Variants in RGPD3 observed in about 807,000 individuals in gnomAD.
RGPD3 encodes RANBP2 like and GRIP domain containing 3.
In RGPD3, 62 loss-of-function variants were observed where a neutral mutation model predicts 154.5. That is an observed-to-expected ratio of 0.40 (90% CI 0.33 to 0.50). The LOEUF is 0.50. Among genes scored for constraint, RGPD3 ranks in the 20% least tolerant of loss-of-function variants. The pLI, the probability that RGPD3 is intolerant of heterozygous loss-of-function variation, is 0.59. For synonymous variants in RGPD3, 308 were observed against 607.0 expected (o/e 0.51, Z 7.24); for missense variants, 919 against 1,716.8 (o/e 0.54, Z 8.21).
chr2:106,412,869 T>C, intron 22 of RGPD3: 1 of 605,356 alleles, frequency 1.7e-6, no homozygotes, highest in Non-Finnish European at 2.9e-6. Flanking sequence ...AAGCACTTAT[T>C]GTATTTTGCT....
At chr2:106,405,418 C>T (rs1420577925) in intron 22 of RGPD3, among the ~76,000 whole-genome samples, 189 bp from the exon 23 acceptor site, 1 of 145,340 alleles carries the variant, frequency 6.9e-6, no homozygotes, top group Non-Finnish European at 1.5e-5. Context: ...CTCTGTCACC[C>T]AGGCTGGAGT....
intron 1 of RGPD3, among the ~76,000 whole-genome samples, chr2:106,461,953 A>G (rs1247211351): frequency 6.6e-6 from 1 of 151,444 alleles, no homozygotes; most frequent in Non-Finnish European, 1.5e-5. Context: ...TTGCTCTGTC[A>G]CCAGGCTGGA....
At chr2:106,466,967 C>T (rs1484280054) in intron 1 of RGPD3, among the ~76,000 whole-genome samples, 1 of 119,284 alleles carries the variant, frequency 8.4e-6, no homozygotes, top group Non-Finnish European at 1.8e-5. Flanking sequence ...GCCATCGAGG[C>T]CGCCGCAGGG....
At chr2:106,418,525 A>G (rs1676882784) in intron 20 of RGPD3, among the ~76,000 whole-genome samples, 1 of 152,040 alleles carries the variant, frequency 6.6e-6, no homozygotes, top group Non-Finnish European at 1.5e-5. Context: ...GAACTAATCA[A>G]TTACATTGCC....
intron 1 of RGPD3, 58 bp from the exon 2 acceptor site, chr2:106,459,390 T>A: frequency 5.0e-6 from 4 of 805,958 alleles, no homozygotes; most frequent in Non-Finnish European, 7.7e-6. Flanking sequence ...CAACATTTTT[T>A]CAAAAGTAGT....
chr2:106,437,564 A>C (rs1677600175), intron 9 of RGPD3, among the ~76,000 whole-genome samples: 1 of 152,250 alleles, frequency 6.6e-6, no homozygotes, highest in Non-Finnish European at 1.5e-5. Context: ...GGAAGCATGA[A>C]GAGGTATAAT....
intron 22 of RGPD3, among the ~76,000 whole-genome samples, chr2:106,409,240 G>C (rs1374797838): frequency 1.3e-5 from 2 of 152,176 alleles, no homozygotes; most frequent in East Asian, 3.9e-4. Context: ...ATGCAGTGTT[G>C]GTTATTATTT....
At chr2:106,412,632 T>C in intron 22 of RGPD3, 1 of 351,666 alleles carries the variant, frequency 2.8e-6, no homozygotes, top group Non-Finnish European at 5.6e-6. Context: ...TAAAACTGCA[T>C]TTGCCTAGAA....
intron 21 of RGPD3, 24 bp downstream of exon 21, chr2:106,415,826 G>T: frequency 6.2e-7 from 1 of 1,611,630 alleles, no homozygotes; most frequent in Non-Finnish European, 8.5e-7. Context: ...CAGTTTTTAT[G>T]GTGGCCAGGT....
chr2:106,417,702 G>T lies in RGPD3; in HGVS notation c.4925-1713C>A, dbSNP rs1255421774. 4.0e-5 allele frequency among the ~76,000 whole-genome samples: 6 copies of T among 150,928 alleles called. 1 individual carries two copies. Among genetic ancestry groups the T allele is most frequent in the African/African-American group, 1.5e-4 (6 of 40,366 alleles). On this transcript the variant is annotated intron_variant, in intron 20 of 22. Coordinates refer to ENST00000409886, the MANE Select transcript of RGPD3 (RefSeq NM_001144013.2). ...GATTTTTTTTAAAGGTTAAGTATGA[G>T]ATTGTTCAAAATCTATTGATTCGGC...
At chr2:106,410,801 T>C (rs1339642434) in intron 22 of RGPD3, among the ~76,000 whole-genome samples, 4 of 152,058 alleles carry the variant, frequency 2.6e-5, no homozygotes, top group Admixed American at 2.6e-4. Context: ...AGTGAATTTG[T>C]AATCTGAATA....
chr2:106,466,214 T>G (rs1678578994), intron 1 of RGPD3, among the ~76,000 whole-genome samples: 1 of 151,698 alleles, frequency 6.6e-6, no homozygotes, highest in Non-Finnish European at 1.5e-5. Flanking sequence ...GCCAACGGTC[T>G]CCCGCCCGCA....
At chr2:106,460,413 T>G (rs1214370779) in intron 1 of RGPD3, among the ~76,000 whole-genome samples, 1 of 150,550 alleles carries the variant, frequency 6.6e-6, no homozygotes, top group South Asian at 2.1e-4. Flanking sequence ...CAATAGTACA[T>G]GTACTGTTCT....
At chr2:106,412,637 C>A (rs1318127704) in intron 22 of RGPD3, 4 of 354,098 alleles carry the variant, frequency 1.1e-5, no homozygotes, top group Non-Finnish European at 2.2e-5. Flanking sequence ...CTGCATTTGC[C>A]TAGAAAGTGG....
chr2:106,465,523 G>A (rs1465986002), intron 1 of RGPD3, among the ~76,000 whole-genome samples: 1 of 149,148 alleles, frequency 6.7e-6, no homozygotes, highest in Non-Finnish European at 1.5e-5. Flanking sequence ...TGGAAGCCAA[G>A]GTCCCCACTA....
intron 1 of RGPD3, among the ~76,000 whole-genome samples, chr2:106,466,525 C>T (rs1251872770): frequency 2.3e-5 from 3 of 130,000 alleles, no homozygotes; most frequent in African/African-American, 8.9e-5. Context: ...GCCATGACGC[C>T]TGAGCCATCG....
chr2:106,446,829 C>T (rs1258677110), intron 7 of RGPD3, among the ~76,000 whole-genome samples: 1 of 151,854 alleles, frequency 6.6e-6, no homozygotes, highest in South Asian at 2.1e-4. Context: ...CTGCAGTGAG[C>T]CGAGATCACG....
At chr2:106,457,220 T>C in intron 3 of RGPD3, 97 bp from the exon 4 acceptor site, 1 of 1,501,994 alleles carries the variant, frequency 6.7e-7, no homozygotes, top group Non-Finnish European at 8.9e-7. Flanking sequence ...GGTTAAAAAT[T>C]ATCACTCCAA....
intron 6 of RGPD3, among the ~76,000 whole-genome samples, chr2:106,451,510 T>C (rs1678123404): frequency 6.6e-6 from 1 of 150,974 alleles, no homozygotes; most frequent in Admixed American, 6.6e-5. Context: ...TCAACTCCAA[T>C]CTTATAGTAT....
Sources: gnomAD v4.1 joint callset for allele counts (sites outside exome capture counted in the v4.1 genomes callset) on GRCh38, gnomAD v4.1.1 for gene constraint, MANE v1.5 for transcripts, NCBI Gene and HGNC (gene_info 2026-07-23, HGNC 2026-07-21) for gene names.